Variants in KCNMA1 observed in about 807,000 individuals in gnomAD.
KCNMA1 encodes the protein potassium calcium-activated channel subfamily M alpha 1, also known as Calcium-activated potassium channel subunit alpha-1.
A neutral mutation model predicts 140.0 loss-of-function variants in KCNMA1; 29 were observed. The observed-to-expected ratio is 0.21, with a 90% CI of 0.15 to 0.28. The LOEUF (loss-of-function observed/expected upper bound fraction) is 0.28. Ranked by LOEUF, KCNMA1 falls within the 10% of genes least tolerant of loss-of-function variation. The pLI is 1.00. For missense variants in KCNMA1, 880 were observed against 1,602.2 expected, an observed-to-expected ratio of 0.55 and a Z score of 7.70; for synonymous variants, 612 against 611.9, an observed-to-expected ratio of 1.00 and a Z score of 0.00.
chr10:77,454,086 T>C (rs2097713046), intron 1 of KCNMA1, among the ~76,000 whole-genome samples: 1 of 152,176 alleles, frequency 6.6e-6, no homozygotes. Context: ...AGCTCAAGAA[T>C]GTTTTATAGG....
At chr10:77,581,452 C>G (rs1247029354) in intron 1 of KCNMA1, among the ~76,000 whole-genome samples, 1 of 152,100 alleles carries the variant, frequency 6.6e-6, no homozygotes, top group Non-Finnish European at 1.5e-5. Flanking sequence ...ACTACAGGTG[C>G]CCGCCACCAC....
At chr10:77,368,653 G>C (rs2094504711) in intron 2 of KCNMA1, among the ~76,000 whole-genome samples, 1 of 152,124 alleles carries the variant, frequency 6.6e-6, no homozygotes. Flanking sequence ...TTTTATCAAA[G>C]CTTTATAGTT....
chr10:77,231,329 T>A (rs528006729), intron 3 of KCNMA1, among the ~76,000 whole-genome samples: 1 of 152,284 alleles, frequency 6.6e-6, no homozygotes, highest in Non-Finnish European at 1.5e-5. Context: ...CATTCTTTCT[T>A]CCCTGGCTTG....
chr10:77,618,604 G>A (rs2090365467), intron 1 of KCNMA1, among the ~76,000 whole-genome samples: 1 of 152,180 alleles, frequency 6.6e-6, no homozygotes, highest in South Asian at 2.1e-4. Context: ...CAGGAGAACA[G>A]GAAAGAGCAT....
intron 2 of KCNMA1, among the ~76,000 whole-genome samples, chr10:77,375,115 T>C (rs2094996601): frequency 6.6e-6 from 1 of 152,054 alleles, no homozygotes; most frequent in South Asian, 2.1e-4. Context: ...GCAGAGAAAG[T>C]GGTGAAGGTC....
chr10:77,168,638 G>A (rs535663906), intron 5 of KCNMA1, among the ~76,000 whole-genome samples: 1 of 152,316 alleles, frequency 6.6e-6, no homozygotes, highest in South Asian at 2.1e-4. Context: ...GAAACATTAT[G>A]TAGCAGGACT....
chr10:77,364,881 A>G (rs549233973), intron 2 of KCNMA1, among the ~76,000 whole-genome samples: 131 of 152,342 alleles, frequency 8.6e-4, no homozygotes, highest in Non-Finnish European at 3.2e-4. Context: ...TTTACTGGAC[A>G]GCAGTTGTTG....
intron 1 of KCNMA1, among the ~76,000 whole-genome samples, chr10:77,543,577 C>T (rs192220328): frequency 8.5e-5 from 13 of 152,180 alleles, no homozygotes; most frequent in African/African-American, 3.1e-4. Context: ...ATGTTTAATG[C>T]TATAGAAGAA....
intron 3 of KCNMA1, among the ~76,000 whole-genome samples, chr10:77,185,407 T>C (rs1478232296): frequency 6.6e-6 from 1 of 151,884 alleles, no homozygotes; most frequent in African/African-American, 2.4e-5. Context: ...TTAAAAACCA[T>C]TAGTTGATTA....
At chr10:77,180,263 A>G (rs2098792779) in intron 5 of KCNMA1, among the ~76,000 whole-genome samples, 2 of 152,216 alleles carry the variant, frequency 1.3e-5, no homozygotes, top group South Asian at 4.1e-4. Flanking sequence ...CTTCTCCTTT[A>G]TAAGTCATAT....
intron 2 of KCNMA1, among the ~76,000 whole-genome samples, chr10:77,326,136 C>T (rs16934600): frequency 0.17 from 25,787 of 152,138 alleles, 2,311 homozygotes; most frequent in East Asian, 0.29. Context: ...GACCTCTCTA[C>T]AAATTGTCCC....
At chr10:77,530,897 G>A (rs1484709875) in intron 1 of KCNMA1, among the ~76,000 whole-genome samples, 2 of 152,142 alleles carry the variant, frequency 1.3e-5, no homozygotes, top group Admixed American at 1.3e-4. Flanking sequence ...GAGCTCTGAT[G>A]TACTAGTTCT....
At chr10:77,356,782 C>A (rs2093520674) in intron 2 of KCNMA1, among the ~76,000 whole-genome samples, 1 of 152,162 alleles carries the variant, frequency 6.6e-6, no homozygotes, top group Admixed American at 6.5e-5. Flanking sequence ...ATGCGCCCAC[C>A]TCCACCTTCC....
rs190588606 is a variant in KCNMA1 at position 77,176,379 on chromosome 10, C to T, written c.808+7042G>A. Among the ~76,000 whole-genome samples the T allele has an allele frequency of 3.9e-5, 6 of 152,268 alleles. No homozygotes were observed. In the East Asian group the frequency reaches 1.2e-3, roughly 29 times the overall value. On this transcript the variant is annotated intron_variant, in intron 5 of 27. Transcript: ENST00000286628. ...GTCACTGCAGCTGCACAGGAAGGGG[C>T]ACCCAAACCTCAGAGTAAGTTGCGT...
At position 76,885,586 on chromosome 10, in the gene KCNMA1, T is replaced by C. The variant is rs1319562144; in HGVS notation, c.*1680A>G. ...CATAAAAACACCTTTTTAGAGATGGTACAGCTGTGACATGTTTTCCTCCTC... is the reference window on the plus strand; with the variant it reads ...CATAAAAACACCTTTTTAGAGATGGCACAGCTGTGACATGTTTTCCTCCTC... On this transcript the variant is annotated 3_prime_UTR_variant, in exon 28 of 28. Transcript: ENST00000286628. The C allele has an allele frequency of 1.4e-5, 14 of 985,280 alleles. No individual in the cohort carries two copies. The highest frequency in any genetic ancestry group is 1.7e-5 in the Non-Finnish European group (14 of 829,950). 61.0% of individuals were successfully genotyped at this position (985,280 alleles called of 1,614,324 possible).
In KCNMA1 at chr10:77,483,533, G is replaced by C. The variant is rs1020352286; in HGVS notation, c.379-79510C>G. ...ACTGGGGTGGAGGGCTCTCTTCCCC[G>C]ATCACCTGGCTCTATCTTGCTCTAC... is the stretch of plus-strand genomic sequence containing the variant. On this transcript the variant is annotated intron_variant, in intron 1 of 27. Coordinates refer to ENST00000286628, the MANE Select transcript of KCNMA1 (RefSeq NM_001161352.2). Among the ~76,000 whole-genome samples the C allele has an allele frequency of 3.9e-5, 6 of 152,232 alleles. No individual in the cohort carries two copies. In the East Asian group the frequency reaches 9.7e-4, roughly 25 times the overall value.
chr10:77,137,663 A>G (rs1392209043), intron 5 of KCNMA1, among the ~76,000 whole-genome samples: 1 of 152,118 alleles, frequency 6.6e-6, no homozygotes, highest in Non-Finnish European at 1.5e-5. Flanking sequence ...CTTCCTCTCA[A>G]ATGCCCCTGG....
At chr10:76,985,961 A>T (rs2153273544) in intron 19 of KCNMA1, among the ~76,000 whole-genome samples, 2 of 152,362 alleles carry the variant, frequency 1.3e-5, no homozygotes, top group South Asian at 4.1e-4. Context: ...AGATGTATGC[A>T]ATAGGGATTG....
At chr10:77,162,264 A>G (rs2098565565) in intron 5 of KCNMA1, among the ~76,000 whole-genome samples, 1 of 152,180 alleles carries the variant, frequency 6.6e-6, no homozygotes, top group African/African-American at 2.4e-5. Flanking sequence ...AAGCAAACAA[A>G]ATCTCTCAGA....
Sources: allele counts gnomAD v4.1 joint callset (sites outside exome capture counted in the v4.1 genomes callset), GRCh38; gene constraint gnomAD v4.1.1; transcripts MANE v1.5; gene names NCBI Gene and HGNC (gene_info 2026-07-23, HGNC 2026-07-21).